RPS6KA6: variants seen among roughly 807,000 people sequenced by gnomAD.
The protein encoded by RPS6KA6 is ribosomal protein S6 kinase alpha-6.
RPS6KA6 carries 27 observed loss-of-function variants against 65.4 expected under a neutral mutation model. The ratio of observed to expected loss-of-function variants is 0.41; its 90% confidence interval spans 0.30 to 0.57. RPS6KA6 has a LOEUF of 0.57. Ranked by LOEUF, RPS6KA6 falls within the 20% of genes least tolerant of loss-of-function variation. The pLI is 0.24. For synonymous variants in RPS6KA6, 190 were observed against 184.2 expected, an observed-to-expected ratio of 1.03 and a Z score of -0.26; for missense variants, 486 against 555.6, an observed-to-expected ratio of 0.87 and a Z score of 1.26.
chrX:84,152,207 C>CT (rs1227664019), intron 3 of RPS6KA6, among the ~76,000 whole-genome samples: 4 of 110,209 alleles, frequency 3.6e-5, no homozygotes, highest in Admixed American at 9.7e-5. Flanking sequence ...TCTGTTTTTT[C>CT]TTTTTTTTCA....
At chrX:84,080,564 T>G (rs1302090351) in intron 20 of RPS6KA6, among the ~76,000 whole-genome samples, 1 of 97,390 alleles carries the variant, frequency 1.0e-5, no homozygotes, top group African/African-American at 3.8e-5. Context: ...CAATATTAGA[T>G]CAACACGACA....
At chrX:84,154,936 C>T (rs1436157085) in intron 3 of RPS6KA6, among the ~76,000 whole-genome samples, 2 of 111,928 alleles carry the variant, frequency 1.8e-5, no homozygotes, top group East Asian at 2.8e-4. Context: ...ACACACTGAG[C>T]GTTCAATAAA....
At chrX:84,067,980 A>C (rs1237125457) in intron 20 of RPS6KA6, among the ~76,000 whole-genome samples, 10 of 112,107 alleles carry the variant, frequency 8.9e-5, no homozygotes, top group Non-Finnish European at 1.9e-5. Flanking sequence ...TTCTTAAAGA[A>C]AAGAATTTTC....
chrX:84,081,426 C>T (rs1466497352), intron 20 of RPS6KA6, among the ~76,000 whole-genome samples: 3 of 111,263 alleles, frequency 2.7e-5, no homozygotes, highest in Non-Finnish European at 5.7e-5. Flanking sequence ...ATGAAGAAGT[C>T]GAATGCCTGA....
chrX:84,156,925 G>A (rs1347165318), intron 2 of RPS6KA6, among the ~76,000 whole-genome samples: 1 of 111,791 alleles, frequency 8.9e-6, no homozygotes, highest in Admixed American at 9.5e-5. Context: ...AAATAACAGA[G>A]TTGGAAGGGA....
At chrX:84,149,855 T>C (rs2035268059) in intron 3 of RPS6KA6, among the ~76,000 whole-genome samples, 3 of 111,913 alleles carry the variant, frequency 2.7e-5, no homozygotes, top group African/African-American at 6.5e-5. Flanking sequence ...AGAGTCAGCC[T>C]GTCCTTCCAA....
intron 20 of RPS6KA6, among the ~76,000 whole-genome samples, chrX:84,095,660 A>C (rs751463441): frequency 8.9e-6 from 1 of 112,079 alleles, no homozygotes; most frequent in South Asian, 3.6e-4. Context: ...TATTAAATTT[A>C]ATTTCACTTA....
intron 8 of RPS6KA6, among the ~76,000 whole-genome samples, chrX:84,125,089 T>C (rs948571482): frequency 8.9e-6 from 1 of 111,884 alleles, no homozygotes; most frequent in Admixed American, 9.5e-5. Context: ...ATAAAGATCT[T>C]CCCAGACAAA....
intron 20 of RPS6KA6, among the ~76,000 whole-genome samples, chrX:84,073,357 A>G (rs2033588842): frequency 8.9e-6 from 1 of 112,034 alleles, no homozygotes; most frequent in Non-Finnish European, 1.9e-5. Context: ...AACATCTCTT[A>G]CCATATATAA....
At chrX:84,071,216 A>C (rs2147333622) in intron 20 of RPS6KA6, among the ~76,000 whole-genome samples, 1 of 111,414 alleles carries the variant, frequency 9.0e-6, no homozygotes, top group African/African-American at 3.3e-5. Context: ...AAGGCTCTAT[A>C]AAAGGTCTCA....
chrX:84,075,064 C>T (rs2033634157), intron 20 of RPS6KA6, among the ~76,000 whole-genome samples: 1 of 111,075 alleles, frequency 9.0e-6, no homozygotes. Flanking sequence ...GAAACCCCGT[C>T]TCTACTAAAT....
chrX:84,120,635 A>T (rs965781610), intron 8 of RPS6KA6, among the ~76,000 whole-genome samples: 1 of 111,576 alleles, frequency 9.0e-6, no homozygotes. Flanking sequence ...TGAAAACTGG[A>T]AACACTGATG....
At chrX:84,079,659 T>G (rs765161979) in intron 20 of RPS6KA6, among the ~76,000 whole-genome samples, 1 of 111,133 alleles carries the variant, frequency 9.0e-6, no homozygotes, top group African/African-American at 3.3e-5. Context: ...TCCACCATCA[T>G]TGAGGCTTGA....
chrX:84,093,576 G>C (rs916157768), intron 20 of RPS6KA6, among the ~76,000 whole-genome samples: 1 of 111,892 alleles, frequency 8.9e-6, no homozygotes, highest in Non-Finnish European at 1.9e-5. Flanking sequence ...TAAAAGAGAC[G>C]TAAGAATAAA....
chrX:84,181,575 C>T (rs1056725442), intron 1 of RPS6KA6, among the ~76,000 whole-genome samples: 5 of 111,585 alleles, frequency 4.5e-5, no homozygotes, highest in Non-Finnish European at 7.5e-5. Flanking sequence ...ATGACAACTA[C>T]GTGACTATTT....
chrX:84,153,391 T>C (rs749604822), intron 3 of RPS6KA6, among the ~76,000 whole-genome samples: 115 of 111,622 alleles, frequency 1.0e-3, no homozygotes, highest in Non-Finnish European at 1.9e-3. Flanking sequence ...ATAATTAATG[T>C]AAGTTGTTTA....
chrX:84,097,998 A>G (rs1051804639), intron 18 of RPS6KA6, 150 bp from the exon 19 acceptor site: 1 of 425,344 alleles, frequency 2.4e-6, no homozygotes, highest in Non-Finnish European at 4.1e-6. Flanking sequence ...ATAACCCCTG[A>G]CACCTCAATG....
chrX:84,083,732 T>C (rs2033855930), intron 20 of RPS6KA6, among the ~76,000 whole-genome samples: 1 of 112,349 alleles, frequency 8.9e-6, no homozygotes, highest in East Asian at 2.8e-4. Flanking sequence ...CTTGGGTATA[T>C]ACCCAGTAAT....
At chrX:84,134,553 C>T (rs999325837) in intron 8 of RPS6KA6, among the ~76,000 whole-genome samples, 2 of 110,856 alleles carry the variant, frequency 1.8e-5, no homozygotes, top group East Asian at 2.8e-4. Flanking sequence ...ACCTAGAAAA[C>T]GATCATTTCT....
Sources: allele counts gnomAD v4.1 joint callset (sites outside exome capture counted in the v4.1 genomes callset), GRCh38; gene constraint gnomAD v4.1.1; transcripts MANE v1.5; gene names NCBI Gene and HGNC (gene_info 2026-07-23, HGNC 2026-07-21).